Variants in GGT1 observed in about 807,000 individuals in gnomAD.
GGT1 encodes glutathione hydrolase 1 proenzyme.
Under a neutral mutation model 56.0 loss-of-function variants are expected in GGT1, and 21 were observed. The ratio of observed to expected loss-of-function variants is 0.38; its 90% CI spans 0.27 to 0.54. The LOEUF is 0.54. Among genes scored for constraint, GGT1 ranks in the 20% least tolerant of loss-of-function variants. GGT1 has a pLI of 0.82. For missense variants in GGT1, 466 were observed against 787.0 expected (o/e 0.59, Z 4.88); for synonymous variants, 238 against 342.6 (o/e 0.69, Z 3.37).
At chr22:24,585,435 C>G in the GGT1 span, among the ~76,000 whole-genome samples, 29 of 152,250 alleles carry the variant, frequency 1.9e-4, no homozygotes, top group African/African-American at 2.7e-4. Context: ...GAGGCCTCCT[C>G]TAACTCTCCA....
Position 24,628,640 on chromosome 22 carries a change from T to C in GGT1, c.1564-53T>C. 2 of 1,610,888 alleles carry C rather than the reference T, an allele frequency of 1.2e-6. No individual in the cohort carries two copies. The highest frequency in any genetic ancestry group is 8.5e-7 in the Non-Finnish European group (1 of 1,179,844). ...GAGGCCTGTGACCACACAGATGTGG[T>C]TCAGGTGGCATCTGGAGCCCTGCTC... On this transcript the variant is annotated intron_variant, in intron 15 of 15. Transcript: ENST00000400382. This position sits in a 1 kb window ranked among gnomAD's most constrained non-coding sequence, Gnocchi z 5.7.
At chr22:24,600,281 A>G (rs1192921154), upstream of GGT1, among the ~76,000 whole-genome samples, 1 of 152,224 alleles carries the variant, frequency 6.6e-6, no homozygotes, top group Non-Finnish European at 1.5e-5. Context: ...TCCACCCAGC[A>G]ACTGTTCTAG....
chr22:24,620,025 AC>A lies in GGT1; in HGVS notation c.383-302del, dbSNP rs1294732893. On this transcript the variant is annotated intron_variant, in intron 7 of 15. Coordinates refer to ENST00000400382, the MANE Select transcript of GGT1 (RefSeq NM_001288833.2). This position sits in a 1 kb window ranked among gnomAD's most constrained non-coding sequence, Gnocchi z 5.6. Reference sequence around the variant, plus strand: ...ATTAAACATCCCCTCCTAAAAAAAAACAATTAAAATTAAAAAATAAATTTAA... The same window carrying A: ...ATTAAACATCCCCTCCTAAAAAAAAAAATTAAAATTAAAAAATAAATTTAA... Among the ~76,000 whole-genome samples, 2 of 128,106 alleles carry A rather than the reference AC, an allele frequency of 1.6e-5. No individual in the cohort carries two copies. The highest frequency in any genetic ancestry group is 2.2e-4 in the East Asian group (1 of 4,610). 84.0% of individuals were successfully genotyped at this position (128,106 alleles called of 152,430 possible). A position where few individuals can be genotyped will look rare whatever the true frequency, so the allele number is the denominator to read the frequency against.
upstream of GGT1, chr22:24,592,914 G>C: frequency 7.8e-7 from 1 of 1,277,222 alleles, no homozygotes; most frequent in Non-Finnish European, 9.9e-7. Context: ...GCCGCTCGCG[G>C]AGCGTGGACT....
upstream of GGT1, among the ~76,000 whole-genome samples, chr22:24,594,266 G>T (rs1167624772): frequency 6.6e-6 from 1 of 152,134 alleles, no homozygotes; most frequent in Non-Finnish European, 1.5e-5. Flanking sequence ...GCACTGATCT[G>T]CAGTTCCCAC....
chr22:24,590,438 A>G (rs1047238873), upstream of GGT1, among the ~76,000 whole-genome samples: 4 of 152,124 alleles, frequency 2.6e-5, no homozygotes, highest in Non-Finnish European at 5.9e-5. Flanking sequence ...GGATAAGTAG[A>G]GGGGAGGGAC....
upstream of GGT1, chr22:24,593,293 C>G (rs1284095006): frequency 5.4e-6 from 1 of 186,214 alleles, no homozygotes; most frequent in Non-Finnish European, 1.0e-5. Flanking sequence ...CCAGGGGAGA[C>G]GCGGAGCTCG....
chr22:24,592,844 G>T (rs559553917), upstream of GGT1: 30 of 1,276,022 alleles, frequency 2.4e-5, no homozygotes, highest in Non-Finnish European at 2.9e-5. Flanking sequence ...GCCCAGGGGC[G>T]GACGGCTCCT....
upstream of GGT1, among the ~76,000 whole-genome samples, chr22:24,593,731 G>A (rs977942433): frequency 1.3e-5 from 2 of 151,034 alleles, no homozygotes; most frequent in Admixed American, 6.6e-5. Flanking sequence ...AGGTTACAGT[G>A]AGCCGAGATG....
intron 11 of GGT1, chr22:24,624,830 C>CCCAGCCATGTT: frequency 6.4e-6 from 1 of 155,476 alleles, no homozygotes; most frequent in Non-Finnish European, 1.4e-5. Context: ...GCAAACATGG[C>CCCAGCCATGTT]TGGGCTATGT....
chr22:24,612,515 TTG>T (rs1227633865), intron 5 of GGT1, among the ~76,000 whole-genome samples: 21 of 132,402 alleles, frequency 1.6e-4, no homozygotes, highest in African/African-American at 5.6e-4. Context: ...TTATTCTTTT[TTG>T]TTGTTGTTTT....
the GGT1 span, chr22:24,586,381 C>A: frequency 6.2e-7 from 1 of 1,613,484 alleles, no homozygotes; most frequent in Non-Finnish European, 8.5e-7. Context: ...TCTCCCCTGC[C>A]AGCAGAGTCT....
At chr22:24,588,239 G>A in the GGT1 span, 1 of 1,613,338 alleles carries the variant, frequency 6.2e-7, no homozygotes, top group Non-Finnish European at 8.5e-7. Flanking sequence ...CTCTGGCGCA[G>A]GCTGGACCCT....
chr22:24,627,209 G>C, intron 11 of GGT1: 16 of 1,237,064 alleles, frequency 1.3e-5, no homozygotes, highest in Non-Finnish European at 1.8e-5. Flanking sequence ...TGGAGGCTGA[G>C]GACCAGGCAG....
At chr22:24,593,920 C>T (rs2045643783), upstream of GGT1, among the ~76,000 whole-genome samples, 1 of 152,240 alleles carries the variant, frequency 6.6e-6, no homozygotes, top group Non-Finnish European at 1.5e-5. Flanking sequence ...GGCAGGCCCC[C>T]ACCTCTGACC....
At chr22:24,618,683 T>G (rs2047219592) in intron 7 of GGT1, among the ~76,000 whole-genome samples, 1 of 152,204 alleles carries the variant, frequency 6.6e-6, no homozygotes, top group South Asian at 2.1e-4. Flanking sequence ...TGTCAGACCT[T>G]CCGGGATGTA....
chr22:24,607,788 C>T (rs1251057694), intron 1 of GGT1, 166 bp from the exon 2 acceptor site: 3 of 342,828 alleles, frequency 8.8e-6, no homozygotes, highest in South Asian at 2.2e-5. Flanking sequence ...TGCTCCTCCT[C>T]GGAGGTGGCC....
intron 7 of GGT1, among the ~76,000 whole-genome samples, chr22:24,617,984 T>C (rs2047177138): frequency 6.6e-6 from 1 of 152,072 alleles, no homozygotes; most frequent in Non-Finnish European, 1.5e-5. Context: ...GAGGGGGCAC[T>C]GGGTCTGGCA....
At chr22:24,615,934 A>T (rs4822523) in intron 7 of GGT1, 57,644 of 151,228 alleles carry the variant, frequency 0.38, 11,346 homozygotes, top group Middle Eastern at 0.53. Flanking sequence ...ACATAGCAAG[A>T]CTCCATCTCT....
Sources: gnomAD v4.1 joint callset for allele counts (sites outside exome capture counted in the v4.1 genomes callset) on GRCh38, gnomAD v4.1.1 for gene constraint, Gnocchi (gnomAD v3.1) non-coding constraint, MANE v1.5 for transcripts, NCBI Gene and HGNC (gene_info 2026-07-23, HGNC 2026-07-21) for gene names.